LMX1A: variants seen among roughly 807,000 people sequenced by gnomAD.
The protein encoded by LMX1A is LIM homeobox transcription factor 1-alpha.
LMX1A carries 15 observed loss-of-function variants against 49.1 expected under a neutral mutation model. The ratio of observed to expected loss-of-function variants is 0.31; its 90% CI spans 0.20 to 0.47. The LOEUF (loss-of-function observed/expected upper bound fraction) is 0.47, where lower values mean the gene tolerates loss of function less well. LMX1A is among the 20% of genes least tolerant of loss of function. The probability of loss-of-function intolerance (pLI) is 1.00; values close to 1 mark genes in which losing one functional copy is unlikely to be tolerated. For missense variants in LMX1A, 372 were observed against 475.8 expected (o/e 0.78, Z 2.03); for synonymous variants, 167 against 185.7 (o/e 0.90, Z 0.82).
At chr1:165,349,292 G>A (rs886604636) in intron 3 of LMX1A, among the ~76,000 whole-genome samples, 6 of 152,192 alleles carry the variant, frequency 3.9e-5, no homozygotes, top group East Asian at 1.9e-4. Flanking sequence ...CAAATTCAGG[G>A]AAAACTCCAA....
intron 8 of LMX1A, 111 bp from the exon 9 acceptor site, chr1:165,204,151 A>G: frequency 8.7e-7 from 1 of 1,152,990 alleles, no homozygotes; most frequent in South Asian, 1.5e-5. Context: ...GCTCCAGGTG[A>G]AACTTTCTAC....
intron 3 of LMX1A, among the ~76,000 whole-genome samples, chr1:165,250,877 T>G (rs1571178716): frequency 6.7e-6 from 1 of 150,098 alleles, no homozygotes. Context: ...CACAAAGGGG[T>G]GGGAGGAGGG....
intron 3 of LMX1A, among the ~76,000 whole-genome samples, chr1:165,302,194 T>C (rs923558418): frequency 8.0e-5 from 11 of 137,710 alleles, no homozygotes; most frequent in Non-Finnish European, 1.3e-4. Flanking sequence ...TCTCAGAACA[T>C]TGGGAGGCCG....
intron 3 of LMX1A, among the ~76,000 whole-genome samples, chr1:165,288,505 G>C (rs1481100602): frequency 1.3e-5 from 2 of 152,162 alleles, no homozygotes; most frequent in Admixed American, 6.5e-5. Context: ...AAGGCAACGT[G>C]AAGCCTGTGC....
chr1:165,307,878 A>C (rs1196991146), intron 3 of LMX1A, among the ~76,000 whole-genome samples: 2 of 152,214 alleles, frequency 1.3e-5, no homozygotes, highest in African/African-American at 2.4e-5. Flanking sequence ...CTGAACAACA[A>C]CACATTTTAA....
At chr1:165,322,770 A>G (rs1655460325) in intron 3 of LMX1A, among the ~76,000 whole-genome samples, 1 of 152,190 alleles carries the variant, frequency 6.6e-6, no homozygotes, top group Non-Finnish European at 1.5e-5. Context: ...TGAATTTACT[A>G]AAAGCCACTG....
At chr1:165,304,063 A>C (rs1016857740) in intron 3 of LMX1A, among the ~76,000 whole-genome samples, 84 of 151,958 alleles carry the variant, frequency 5.5e-4, no homozygotes, top group African/African-American at 2.0e-3. Flanking sequence ...CCTCAGTTCT[A>C]CTGGTTCTAC....
At chr1:165,277,472 C>T (rs1027873097) in intron 3 of LMX1A, among the ~76,000 whole-genome samples, 11 of 152,204 alleles carry the variant, frequency 7.2e-5, no homozygotes, top group African/African-American at 2.4e-4. Context: ...ATATCACTCA[C>T]TGGGTCTTCC....
chr1:165,345,611 G>A (rs1329401508), intron 3 of LMX1A, among the ~76,000 whole-genome samples: 7 of 152,158 alleles, frequency 4.6e-5, no homozygotes, highest in African/African-American at 7.2e-5. Context: ...TTAGAGGCCC[G>A]TAAATGGTTA....
rs73017237 is a variant in LMX1A, at chr1:165,303,398, C to T, written c.263+49678G>A. ...TTCCCAATGTGCTGGGGGCTGGGAA[C>T]GCTTCATGGTTGGCTGACCTTGTAC... is the stretch of plus-strand genomic sequence containing the variant. On this transcript the variant is annotated intron_variant, in intron 3 of 8. Transcript: ENST00000342310. 2.8e-3 allele frequency among the ~76,000 whole-genome samples: 431 copies of T among 152,316 alleles called. 1 individual carries two copies. Among genetic ancestry groups the T allele is most frequent in the East Asian group, 0.011 (56 of 5,186 alleles).
At chr1:165,213,915 CT>C in intron 4 of LMX1A, 102 bp from the exon 5 acceptor site, 1 of 1,010,146 alleles carries the variant, frequency 9.9e-7, no homozygotes, top group Non-Finnish European at 1.5e-6. Flanking sequence ...TCCAGGATGG[CT>C]TTATGTATGA....
intron 4 of LMX1A, among the ~76,000 whole-genome samples, chr1:165,248,208 G>C (rs1219684662): frequency 6.6e-6 from 1 of 152,222 alleles, no homozygotes; most frequent in African/African-American, 2.4e-5. Context: ...GAGAGGGAAA[G>C]AGGCTGAAAA....
At chr1:165,313,477 T>A (rs1344891807) in intron 3 of LMX1A, among the ~76,000 whole-genome samples, 1 of 150,076 alleles carries the variant, frequency 6.7e-6, no homozygotes, top group Non-Finnish European at 1.5e-5. Context: ...CTTCCTTTTT[T>A]TTTTTTTTTT....
chr1:165,251,186 G>A (rs548876936), intron 3 of LMX1A, among the ~76,000 whole-genome samples: 31 of 151,864 alleles, frequency 2.0e-4, no homozygotes, highest in African/African-American at 7.2e-4. Flanking sequence ...GGGTTCAAGC[G>A]ATTCTCCTGC....
chr1:165,349,854 A>G (rs1402992337), intron 3 of LMX1A, among the ~76,000 whole-genome samples: 1 of 152,230 alleles, frequency 6.6e-6, no homozygotes, highest in Non-Finnish European at 1.5e-5. Flanking sequence ...ATAAAGAGAC[A>G]GCTAATAATT....
At position 165,203,371 on chromosome 1, in the gene LMX1A, T is replaced by C. The variant is rs1053085086; in HGVS notation, c.*509A>G. 3 of 152,838 alleles carry C rather than the reference T, an allele frequency of 2.0e-5. No homozygotes were observed. Among genetic ancestry groups the C allele is most frequent in the African/African-American group, 7.2e-5 (3 of 41,466 alleles). 9.5% of individuals were successfully genotyped at this position (152,838 alleles called of 1,614,324 possible). On this transcript the variant is annotated 3_prime_UTR_variant, in exon 9 of 9. Transcript: ENST00000342310. ...AACTTAAGTGCATCAAGCATTTCCT[T>C]AAATATAGTTCACACTGAAAATAAA... is the stretch of plus-strand genomic sequence containing the variant.
At chr1:165,351,570 G>A (rs1032102729) in intron 3 of LMX1A, among the ~76,000 whole-genome samples, 1 of 152,096 alleles carries the variant, frequency 6.6e-6, no homozygotes, top group East Asian at 1.9e-4. Context: ...TTTCTGTATT[G>A]TCCAGCTCAT....
chr1:165,205,992 A>G lies in LMX1A; in HGVS notation c.860T>C (p.Met287Thr). The change falls in exon 8 of 9, where the codon ATG becomes ACG. Residue 287 changes from methionine (M) to threonine (T), a missense_variant. Met to Thr is a moderately conservative substitution (Grantham distance 81). Around this residue, in one of 3 missense-constraint regions of LMX1A, gnomAD observed 127 missense variants for 138.0 expected, o/e 0.92. Coordinates refer to ENST00000342310, the MANE Select transcript of LMX1A (RefSeq NM_177398.4). ...GGTGGGCAGAGCCGTGTAGGGGTTC[A>G]TGATTCCTTCCATCCCAGCACTCCC... The part of the protein sequence containing the change: ...GGGSAGMEGI[M>T]NPYTALPTPQ... 1 of 1,599,076 alleles carries G rather than the reference A, an allele frequency of 6.3e-7. No homozygotes were observed. Among genetic ancestry groups the G allele is most frequent in the Non-Finnish European group, 8.5e-7 (1 of 1,173,234 alleles).
chr1:165,233,487 AC>A (rs1652309836), intron 4 of LMX1A, among the ~76,000 whole-genome samples: 1 of 152,208 alleles, frequency 6.6e-6, no homozygotes, highest in East Asian at 1.9e-4. Flanking sequence ...CCAGTTTTAA[AC>A]CCTCAGCTTT....
Sources: gnomAD v4.1 joint callset for allele counts (sites outside exome capture counted in the v4.1 genomes callset) on GRCh38, gnomAD v4.1.1 for gene constraint, gnomAD v4.1.1 regional missense constraint, MANE v1.5 for transcripts, NCBI Gene and HGNC (gene_info 2026-07-23, HGNC 2026-07-21) for gene names.